The following NECTIN1 variants were observed in gnomAD, a reference collection of about 807,000 sequenced individuals.
NECTIN1 encodes nectin cell adhesion molecule 1.
Under a neutral mutation model 48.0 loss-of-function variants are expected in NECTIN1, and 23 were observed. The observed-to-expected ratio is 0.48, with a 90% CI of 0.34 to 0.68. The LOEUF (loss-of-function observed/expected upper bound fraction) is 0.68. Among genes scored for constraint, NECTIN1 ranks in the 30% least tolerant of loss-of-function variants. The pLI is 0.01. For synonymous variants in NECTIN1, 270 were observed against 288.9 expected (o/e 0.93, Z 0.66); for missense variants, 591 against 709.9 (o/e 0.83, Z 1.90).
chr11:119,716,010 T>A (rs1403716039), intron 1 of NECTIN1, among the ~76,000 whole-genome samples: 1 of 152,136 alleles, frequency 6.6e-6, no homozygotes, highest in Non-Finnish European at 1.5e-5. Flanking sequence ...CCACAACACA[T>A]CCAGGGCAGT....
chr11:119,661,736 G>C lies in NECTIN1; in HGVS notation c.*3011C>G, dbSNP rs1442315031. The C allele has an allele frequency of 2.0e-6, 2 of 985,626 alleles. No homozygotes were observed. Among genetic ancestry groups the C allele is most frequent in the Non-Finnish European group, 2.4e-6 (2 of 829,948 alleles). 61.1% of individuals were successfully genotyped at this position (985,626 alleles called of 1,614,324 possible). ...CCCTATAAGGCTCTCTTGCAGCCCG[G>C]GCACTGGGAAATTCGTTTCTCCTTA... On this transcript the variant is annotated 3_prime_UTR_variant, in exon 6 of 6. Coordinates refer to ENST00000264025, the MANE Select transcript of NECTIN1 (RefSeq NM_002855.5).
intron 1 of NECTIN1, among the ~76,000 whole-genome samples, chr11:119,701,473 T>C (rs900319225): frequency 6.6e-6 from 1 of 151,956 alleles, no homozygotes; most frequent in Non-Finnish European, 1.5e-5. Context: ...ACAAAATGCA[T>C]TGTGGGGGCC....
chr11:119,707,129 A>T (rs896309652), intron 1 of NECTIN1, among the ~76,000 whole-genome samples: 1 of 151,918 alleles, frequency 6.6e-6, no homozygotes, highest in East Asian at 1.9e-4. Context: ...TCCTTAAGTG[A>T]CCCTTGAAGG....
At chr11:119,668,501 A>T (rs1407204372) in intron 5 of NECTIN1, among the ~76,000 whole-genome samples, 1 of 152,086 alleles carries the variant, frequency 6.6e-6, no homozygotes. Flanking sequence ...TGTCCTTGTT[A>T]TCCAAGTTGA....
intron 1 of NECTIN1, among the ~76,000 whole-genome samples, chr11:119,690,690 A>T (rs1865238312): frequency 6.6e-6 from 1 of 152,158 alleles, no homozygotes; most frequent in South Asian, 2.1e-4. Context: ...AGAGAACCCA[A>T]ACCCCACAGA....
At chr11:119,675,505 TGATC>T (rs1267911048) in intron 4 of NECTIN1, 195 bp from the exon 5 acceptor site, 1 of 614,740 alleles carries the variant, frequency 1.6e-6, no homozygotes. Context: ...TTTTCATATT[TGATC>T]ATAATATGGG....
intron 1 of NECTIN1, among the ~76,000 whole-genome samples, chr11:119,726,636 T>A (rs1034588903): frequency 6.6e-6 from 1 of 152,058 alleles, no homozygotes; most frequent in Admixed American, 6.6e-5. Flanking sequence ...TAGCCCCCAA[T>A]GAAGGAATTA....
At chr11:119,643,426 T>C (rs1306466161) in intron 5 of NECTIN1, among the ~76,000 whole-genome samples, 1 of 152,206 alleles carries the variant, frequency 6.6e-6, no homozygotes. Flanking sequence ...AGTAATTCGT[T>C]CAGGATCGTC....
rs796844061 is a variant in NECTIN1, at chr11:119,667,844, G to A, written c.1004-2547C>T. On this transcript the variant is annotated intron_variant, in intron 5 of 5. Coordinates refer to ENST00000264025, the MANE Select transcript of NECTIN1 (RefSeq NM_002855.5). ...AAATTATTTAGGGTACATAGTTCTC[G>A]CCCAACTCTGGGACTGTATCTCCAC... Among the ~76,000 whole-genome samples the A allele has an allele frequency of 5.9e-5, 9 of 152,182 alleles. 1 individual carries two copies. Among genetic ancestry groups the A allele is most frequent in the Middle Eastern group, 3.4e-3 (1 of 294 alleles).
chr11:119,667,286 C>T (rs1003474683), intron 5 of NECTIN1, among the ~76,000 whole-genome samples: 2 of 152,210 alleles, frequency 1.3e-5, no homozygotes, highest in Non-Finnish European at 2.9e-5. Context: ...CCTGCCTGCC[C>T]CCCTCCTCGG....
At chr11:119,639,668 G>A (rs1016928437) in intron 6 of NECTIN1, 7 of 654,118 alleles carry the variant, frequency 1.1e-5, no homozygotes, top group South Asian at 1.9e-5. Flanking sequence ...GAACTGGGGC[G>A]GTGCCTGGCA....
downstream of NECTIN1, chr11:119,656,364 G>T (rs191903763): frequency 1.3e-5 from 2 of 152,354 alleles, no homozygotes; most frequent in African/African-American, 4.8e-5. Flanking sequence ...GAGACGATTA[G>T]CATGGCCCTG....
intron 5 of NECTIN1, among the ~76,000 whole-genome samples, chr11:119,643,656 C>T (rs532515047): frequency 9.8e-5 from 15 of 152,350 alleles, no homozygotes; most frequent in African/African-American, 3.4e-4. Flanking sequence ...GAGGAAGGGG[C>T]CTGGTGCTGG....
chr11:119,657,613 TTAAA>T (rs1565379953), downstream of NECTIN1, among the ~76,000 whole-genome samples: 11 of 37,232 alleles, frequency 3.0e-4, no homozygotes, highest in Non-Finnish European at 6.8e-4. Flanking sequence ...GACTTTGTCT[TTAAA>T]AAAAAAAAAA....
chr11:119,676,324 C>T (rs558237714), intron 4 of NECTIN1, among the ~76,000 whole-genome samples: 6 of 152,332 alleles, frequency 3.9e-5, no homozygotes, highest in African/African-American at 1.4e-4. Context: ...GCAGGCTCTG[C>T]CCACTCACAC....
chr11:119,722,736 G>A (rs11604214), intron 1 of NECTIN1, among the ~76,000 whole-genome samples: 2,058 of 152,386 alleles, frequency 0.014, 27 homozygotes, highest in Middle Eastern at 0.068. Context: ...CACGGGAAGT[G>A]AGGTCAGCAG....
At chr11:119,693,504 A>C (rs1865295936) in intron 1 of NECTIN1, among the ~76,000 whole-genome samples, 1 of 152,200 alleles carries the variant, frequency 6.6e-6, no homozygotes, top group South Asian at 2.1e-4. Context: ...TCCTTTCCCA[A>C]GGCCCAGGAG....
At chr11:119,705,813 GGA>G (rs1277080186) in intron 1 of NECTIN1, among the ~76,000 whole-genome samples, 2 of 152,208 alleles carry the variant, frequency 1.3e-5, no homozygotes, top group East Asian at 3.9e-4. Flanking sequence ...AGCTGGGGAG[GGA>G]GCCCCAAGGC....
At chr11:119,639,862 C>T (rs201902191) in intron 6 of NECTIN1, 1 of 1,614,050 alleles carries the variant, frequency 6.2e-7, no homozygotes, top group Admixed American at 1.7e-5. Context: ...CTGCCTGGCT[C>T]ACCCGGCCCC....
Sources: allele counts gnomAD v4.1 joint callset (sites outside exome capture counted in the v4.1 genomes callset), GRCh38; gene constraint gnomAD v4.1.1; transcripts MANE v1.5; gene names NCBI Gene and HGNC (gene_info 2026-07-23, HGNC 2026-07-21).